Variants in PCDHGB3 observed in about 807,000 individuals in gnomAD.
PCDHGB3 encodes protocadherin gamma subfamily B, 3, also known as protocadherin gamma-B3.
Under a neutral mutation model 59.2 loss-of-function variants are expected in PCDHGB3, and 40 were observed. The observed-to-expected ratio is 0.68, with a 90% CI of 0.52 to 0.88. The LOEUF (loss-of-function observed/expected upper bound fraction) is 0.88, where lower values mean the gene tolerates loss of function less well. Ranked by LOEUF, PCDHGB3 falls within the 40% of genes least tolerant of loss-of-function variation. The probability of loss-of-function intolerance (pLI) is 0.00; values close to 1 mark genes in which losing one functional copy is unlikely to be tolerated. For missense variants in PCDHGB3, 1,309 were observed against 1,187.9 expected (o/e 1.10, Z -1.50); for synonymous variants, 581 against 503.6 (o/e 1.15, Z -2.06).
At chr5:141,419,086 C>G (rs2096324558) in intron 1 of PCDHGB3, 1 of 1,613,808 alleles carries the variant, frequency 6.2e-7, no homozygotes, top group African/African-American at 1.3e-5. Context: ...CAGATGAGGC[C>G]CTGGATCGGG....
At chr5:141,392,682 C>T in intron 1 of PCDHGB3, 2 of 1,035,550 alleles carry the variant, frequency 1.9e-6, no homozygotes, top group Non-Finnish European at 2.7e-6. Flanking sequence ...TGGACTGCAG[C>T]GAAACCCGAC....
intron 2 of PCDHGB3, among the ~76,000 whole-genome samples, chr5:141,502,194 T>C (rs1470985683): frequency 2.6e-5 from 4 of 152,212 alleles, no homozygotes; most frequent in Non-Finnish European, 4.4e-5. Flanking sequence ...TACAATAATA[T>C]AGAATCCACC....
Position 141,372,231 on chromosome 5 carries a change from G to T in PCDHGB3, c.1837G>T (p.Glu613Ter), listed in dbSNP as rs868293386. ...WLSYHIVQASEPGLFSLGLRT... is the reference protein window; with the variant it reads ...WLSYHIVQAS ...GTCCTACCACATTGTGCAGGCCAGC[G>T]AGCCCGGGCTGTTCAGCCTGGGCCT... Residue 613 changes from glutamate to a stop codon, truncating the protein, a stop_gained, in exon 1 of 4, where the codon GAG becomes TAG. Transcript: ENST00000576222. LOFTEE classifies it high-confidence loss of function. 1.9e-6 allele frequency: 3 copies of T among 1,613,374 alleles called. No homozygotes were observed. Among genetic ancestry groups the T allele is most frequent in the Middle Eastern group, 3.3e-4 (2 of 6,042 alleles).
chr5:141,409,848 G>C (rs149920059), intron 1 of PCDHGB3: 7 of 1,611,904 alleles, frequency 4.3e-6, no homozygotes, highest in Non-Finnish European at 5.9e-6. Context: ...GTGAGCCTGC[G>C]CGTGTTGGTG....
At position 141,476,786 on chromosome 5, in the gene PCDHGB3, C is replaced by G. The variant is rs2099398607; in HGVS notation, c.2416-18021C>G. 3.1e-6 allele frequency: 5 copies of G among 1,613,444 alleles called. No individual in the cohort carries two copies. The highest frequency in any genetic ancestry group is 1.7e-5 in the Admixed American group (1 of 60,000). ...GGCGTTGGACGGAGGGACCCCAGCTCTCTCCGCCAGCCTGCCTATTCACAT... is the reference window on the plus strand; with the variant it reads ...GGCGTTGGACGGAGGGACCCCAGCTGTCTCCGCCAGCCTGCCTATTCACAT... On this transcript the variant is annotated intron_variant, in intron 1 of 3. Coordinates refer to ENST00000576222, the MANE Select transcript of PCDHGB3 (RefSeq NM_018924.5). The surrounding 1 kb of genome is among the most constrained non-coding windows in gnomAD (Gnocchi z 7.6).
rs778198822 is a variant in PCDHGB3, at chr5:141,432,802, A to C, written c.2415+59993A>C. 6.2e-7 allele frequency: 1 copy of C among 1,614,082 alleles called. No homozygotes were observed. The highest frequency in any genetic ancestry group is 1.1e-5 in the South Asian group (1 of 91,076). The stretch of plus-strand genomic sequence containing the variant: ...CGGACCTCGGCAGCCTCGAGTCTCC[A>C]GCTAACTCTGAAACCTCAGACCTCA... On this transcript the variant is annotated intron_variant, in intron 1 of 3. Transcript: ENST00000576222. This position sits in a 1 kb window ranked among gnomAD's most constrained non-coding sequence, Gnocchi z 6.0.
Position 141,485,979 on chromosome 5 carries a change from C to T in PCDHGB3, c.2416-8828C>T. ...CTCATCCAGCTCAATGCCTCAGACC[C>T]GGACCTGGGTCCCAGTGGTAACGTC... is the stretch of plus-strand genomic sequence containing the variant. On this transcript the variant is annotated intron_variant, in intron 1 of 3. Coordinates refer to ENST00000576222, the MANE Select transcript of PCDHGB3 (RefSeq NM_018924.5). The surrounding 1 kb of genome is among the most constrained non-coding windows in gnomAD (Gnocchi z 5.7). The T allele has an allele frequency of 1.2e-6, 2 of 1,614,182 alleles. No individual in the cohort carries two copies. The highest frequency in any genetic ancestry group is 1.7e-6 in the Non-Finnish European group (2 of 1,180,022).
chr5:141,402,845 C>T (rs1273253699), intron 1 of PCDHGB3: 3 of 1,405,122 alleles, frequency 2.1e-6, no homozygotes, highest in Non-Finnish European at 2.8e-6. Flanking sequence ...AAAACTCAGC[C>T]TCTTTCTTCT....
At chr5:141,427,603 T>G in intron 1 of PCDHGB3, 2 of 681,440 alleles carry the variant, frequency 2.9e-6, no homozygotes, top group East Asian at 2.8e-5. Flanking sequence ...ACCCTACGCA[T>G]TGGTGAAGTC....
chr5:141,487,593 C>G lies in PCDHGB3; in HGVS notation c.2416-7214C>G. The G allele has an allele frequency of 6.2e-7, 1 of 1,614,206 alleles. No homozygotes were observed. Among genetic ancestry groups the G allele is most frequent in the African/African-American group, 1.3e-5 (1 of 75,062 alleles). On this transcript the variant is annotated intron_variant, in intron 1 of 3. Coordinates refer to ENST00000576222, the MANE Select transcript of PCDHGB3 (RefSeq NM_018924.5). This position sits in a 1 kb window ranked among gnomAD's most constrained non-coding sequence, Gnocchi z 5.0. ...CCTGTTCGCCCAAGCTGCCCACCCT[C>G]TGATCTTCTCTATGGGCTAGAGGTG...
intron 1 of PCDHGB3, chr5:141,433,018 T>C: frequency 6.2e-7 from 1 of 1,614,120 alleles, no homozygotes. Flanking sequence ...TGCAGACCTA[T>C]TCCCACGAGG....
intron 1 of PCDHGB3, among the ~76,000 whole-genome samples, chr5:141,450,666 T>G (rs1434496607): frequency 6.6e-6 from 1 of 151,890 alleles, no homozygotes; most frequent in African/African-American, 2.4e-5. Context: ...TTTGTACTTT[T>G]AGTAGAAACG....
intron 1 of PCDHGB3, chr5:141,418,458 T>C: frequency 6.2e-7 from 1 of 1,614,010 alleles, no homozygotes; most frequent in African/African-American, 1.3e-5. Context: ...CAGAAGACTC[T>C]GGACCGAGAA....
chr5:141,464,921 G>C (rs1562002597), intron 1 of PCDHGB3, among the ~76,000 whole-genome samples: 6 of 151,106 alleles, frequency 4.0e-5, no homozygotes, highest in Admixed American at 3.3e-4. Flanking sequence ...TTATTTTTTT[G>C]TAGAGATGTG....
intron 1 of PCDHGB3, chr5:141,400,199 C>G (rs1561675523): frequency 2.5e-6 from 4 of 1,614,048 alleles, no homozygotes; most frequent in Admixed American, 1.7e-5. Flanking sequence ...CTAGTGGTGG[C>G]CTTGGCCTTG....
intron 1 of PCDHGB3, chr5:141,395,745 T>C (rs2093305954): frequency 6.5e-6 from 1 of 153,196 alleles, no homozygotes; most frequent in African/African-American, 2.4e-5. Context: ...AAACCTCTTT[T>C]CTGAGCCCTG....
chr5:141,375,017 T>TC lies in PCDHGB3; in HGVS notation c.2415+2209dup, dbSNP rs772354381. The TC allele has an allele frequency of 6.2e-6, 10 of 1,614,032 alleles. No individual in the cohort carries two copies. The South Asian group carries it at 1.1e-4, about 18-fold the overall frequency. The stretch of plus-strand genomic sequence containing the variant: ...TTCTGCAAATCTAGACTATGAGGAC[T>TC]CGAGTTTTTATGAGCTGGGTGTTGA... On this transcript the variant is annotated intron_variant, in intron 1 of 3. Transcript: ENST00000576222.
At chr5:141,375,541 A>C (rs566370523) in intron 1 of PCDHGB3, 1 of 1,613,904 alleles carries the variant, frequency 6.2e-7, no homozygotes, top group South Asian at 1.1e-5. Flanking sequence ...AGAACGCCCA[A>C]GTCTCCTACT....
chr5:141,384,962 A>G (rs1303034041), intron 1 of PCDHGB3: 1 of 1,613,130 alleles, frequency 6.2e-7, no homozygotes, highest in East Asian at 2.2e-5. Flanking sequence ...TACAACTATG[A>G]CCTCACGTTG....
Sources: gnomAD v4.1 joint callset for allele counts (sites outside exome capture counted in the v4.1 genomes callset) on GRCh38, gnomAD v4.1.1 for gene constraint, Gnocchi (gnomAD v3.1) non-coding constraint, MANE v1.5 for transcripts, NCBI Gene and HGNC (gene_info 2026-07-23, HGNC 2026-07-21) for gene names.